GSAP: variants seen among roughly 807,000 people sequenced by gnomAD.
The protein encoded by GSAP is gamma-secretase activating protein.
A neutral mutation model predicts 131.7 loss-of-function variants in GSAP; 118 were observed. That is an observed-to-expected ratio of 0.90 (90% confidence interval 0.77 to 1.04). The LOEUF (loss-of-function observed/expected upper bound fraction) is 1.04. Ranked by LOEUF, GSAP falls within the 50% of genes least tolerant of loss-of-function variation. The pLI is 0.00. For missense variants in GSAP, 1,019 were observed against 1,013.2 expected (o/e 1.01, Z -0.08); for synonymous variants, 381 against 363.4 (o/e 1.05, Z -0.55).
At chr7:77,396,929 T>C (rs1800493534) in intron 5 of GSAP, 53 bp downstream of exon 5, 4 of 903,610 alleles carry the variant, frequency 4.4e-6, no homozygotes, top group Non-Finnish European at 1.7e-6. Context: ...TAATAAATCA[T>C]CTACCAATAA....
chr7:77,389,436 C>A (rs191123649), intron 5 of GSAP, among the ~76,000 whole-genome samples: 2 of 151,466 alleles, frequency 1.3e-5, no homozygotes, highest in South Asian at 2.1e-4. Flanking sequence ...ATCCCTCCCC[C>A]CCTCCCCACC....
At chr7:77,407,400 A>T (rs551849179) in intron 1 of GSAP, among the ~76,000 whole-genome samples, 1 of 152,278 alleles carries the variant, frequency 6.6e-6, no homozygotes, top group East Asian at 1.9e-4. Flanking sequence ...CTCCAATCTG[A>T]CATTCTTAAT....
intron 19 of GSAP, among the ~76,000 whole-genome samples, chr7:77,332,116 G>C (rs989211039): frequency 2.0e-5 from 3 of 152,062 alleles, no homozygotes; most frequent in African/African-American, 7.2e-5. Context: ...AGTTCACCCA[G>C]ACCTTGCCCA....
chr7:77,336,511 A>G (rs533673400), intron 19 of GSAP, among the ~76,000 whole-genome samples: 48 of 152,178 alleles, frequency 3.2e-4, no homozygotes, highest in African/African-American at 1.2e-3. Flanking sequence ...TTTGAGACAG[A>G]GTCTCCCTCT....
At position 77,365,905 on chromosome 7, in the gene GSAP, T is replaced by G. The variant is rs1037624658; in HGVS notation, c.872-3245A>C. Among the ~76,000 whole-genome samples, 10 of 149,424 alleles carry G rather than the reference T, an allele frequency of 6.7e-5. No homozygotes were observed. The South Asian group carries it at 1.3e-3, about 19-fold the overall frequency. ...CCTTGCCAGCAACTGTGGGTTTTTT[T>G]TTTTTTTTTTTTTTTTTACTTTTAA... On this transcript the variant is annotated intron_variant, in intron 12 of 30. Coordinates refer to ENST00000257626, the MANE Select transcript of GSAP (RefSeq NM_017439.4).
chr7:77,335,078 G>A (rs186207051), intron 19 of GSAP, among the ~76,000 whole-genome samples: 17 of 146,030 alleles, frequency 1.2e-4, no homozygotes, highest in African/African-American at 2.1e-4. Context: ...GCAAGACTCC[G>A]TCTCAATTAA....
In GSAP at chr7:77,312,135, TG is replaced by T. The variant is rs1794446906; in HGVS notation, c.2338del (p.His780ThrfsTer2). ...ATAGTTCTGAAGCAGTCGCGTCACG[TG>T]GTTCCGCGAAATGATGTTAGAACTC... ...PMSSNIISRN[H>X]VTRLLQNYKK... On this transcript the variant is annotated frameshift_variant, in exon 29 of 31. Transcript: ENST00000257626. LOFTEE classifies it high-confidence loss of function. 6.2e-7 allele frequency: 1 copy of T among 1,602,894 alleles called. No homozygotes were observed. The highest frequency in any genetic ancestry group is 1.3e-5 in the African/African-American group (1 of 74,370).
intron 23 of GSAP, 86 bp from the exon 24 acceptor site, chr7:77,323,828 C>A: frequency 1.8e-6 from 1 of 565,202 alleles, no homozygotes; most frequent in Non-Finnish European, 3.1e-6. Flanking sequence ...TATTAACATT[C>A]TTCATCAATA....
At chr7:77,403,529 G>C (rs1199193642) in intron 3 of GSAP, among the ~76,000 whole-genome samples, 1 of 152,126 alleles carries the variant, frequency 6.6e-6, no homozygotes, top group Non-Finnish European at 1.5e-5. Flanking sequence ...ATTAGACAAA[G>C]CCTGTCACAT....
chr7:77,312,350 G>A (rs1794478612), intron 28 of GSAP, 148 bp from the exon 29 acceptor site: 1 of 538,734 alleles, frequency 1.9e-6, no homozygotes, highest in Non-Finnish European at 3.3e-6. Flanking sequence ...TTGGAGAAAT[G>A]CCATGTTCCT....
intron 15 of GSAP, 49 bp downstream of exon 15, chr7:77,355,506 A>G: frequency 6.5e-7 from 1 of 1,527,850 alleles, no homozygotes; most frequent in Non-Finnish European, 9.0e-7. Context: ...ATTAAAGTCA[A>G]AACAAACTCA....
chr7:77,377,274 TAG>T lies in GSAP; in HGVS notation c.681+10_681+11del. On this transcript the variant is annotated intron_variant, in intron 9 of 30. Transcript: ENST00000257626. ...AAAAAAAAAAGGAGTGCCCGTGAAC[TAG>T]TTTTTTTACCTTCAGGTCAATGTAA... 1 of 1,233,734 alleles carries T rather than the reference TAG, an allele frequency of 8.1e-7. No homozygotes were observed. Among genetic ancestry groups the T allele is most frequent in the Admixed American group, 2.9e-5 (1 of 34,762 alleles). 76.4% of individuals were successfully genotyped at this position (1,233,734 alleles called of 1,614,324 possible).
chr7:77,341,840 C>T (rs1790957048), intron 19 of GSAP, among the ~76,000 whole-genome samples: 1 of 152,214 alleles, frequency 6.6e-6, no homozygotes, highest in South Asian at 2.1e-4. Context: ...CAACATATTT[C>T]TGAGTTGCAA....
chr7:77,416,521 G>A (rs1804501375), upstream of GSAP: 2 of 401,834 alleles, frequency 5.0e-6, no homozygotes, highest in African/African-American at 2.1e-5. Flanking sequence ...CACCTGAGCC[G>A]GAGCCGGAGC....
Position 77,415,070 on chromosome 7 carries a change from A to G in GSAP, c.109+1143T>C, listed in dbSNP as rs571656022. On this transcript the variant is annotated intron_variant, in intron 1 of 30. Coordinates refer to ENST00000257626, the MANE Select transcript of GSAP (RefSeq NM_017439.4). Reference sequence around the variant, plus strand: ...TTGACCACCCTCTCCACCTCGAAAAAAAGTAAAGCCTTACTAAGCATGACA... The same window carrying G: ...TTGACCACCCTCTCCACCTCGAAAAGAAGTAAAGCCTTACTAAGCATGACA... 6.6e-5 allele frequency among the ~76,000 whole-genome samples: 10 copies of G among 152,238 alleles called. No individual in the cohort carries two copies. The South Asian group carries it at 1.9e-3, about 28-fold the overall frequency.
At chr7:77,404,994 A>C (rs1041484085) in intron 2 of GSAP, among the ~76,000 whole-genome samples, 4 of 152,250 alleles carry the variant, frequency 2.6e-5, no homozygotes, top group Non-Finnish European at 5.9e-5. Context: ...TAAAGGTACC[A>C]TTCTAAGACA....
chr7:77,399,600 G>C (rs780183449), intron 3 of GSAP, among the ~76,000 whole-genome samples: 76 of 151,714 alleles, frequency 5.0e-4, no homozygotes, highest in Non-Finnish European at 9.9e-4. Context: ...TATTGGGACC[G>C]TGCTTATGCT....
chr7:77,380,188 G>C (rs61342135), intron 8 of GSAP: 11,572 of 152,326 alleles, frequency 0.076, 485 homozygotes, highest in Non-Finnish European at 0.09. Flanking sequence ...GGGAGACACA[G>C]ACTAAGATAA....
chr7:77,312,500 C>G (rs931776420), intron 28 of GSAP, among the ~76,000 whole-genome samples: 1 of 152,164 alleles, frequency 6.6e-6, no homozygotes, highest in Non-Finnish European at 1.5e-5. Flanking sequence ...CATGCCAACT[C>G]TGATGTTTTG....
Sources: gnomAD v4.1 joint callset for allele counts (sites outside exome capture counted in the v4.1 genomes callset) on GRCh38, gnomAD v4.1.1 for gene constraint, MANE v1.5 for transcripts, NCBI Gene and HGNC (gene_info 2026-07-23, HGNC 2026-07-21) for gene names.